The following VPS54 variants were observed in gnomAD, a reference collection of about 807,000 sequenced individuals.
VPS54 encodes the protein vacuolar protein sorting-associated protein 54.
A neutral mutation model predicts 121.5 loss-of-function variants in VPS54; 45 were observed. The ratio of observed to expected loss-of-function variants is 0.37; its 90% confidence interval spans 0.29 to 0.47. The LOEUF (loss-of-function observed/expected upper bound fraction) is 0.47. VPS54 is among the 20% of genes least tolerant of loss of function. The probability of loss-of-function intolerance (pLI) is 0.99; values close to 1 mark genes in which losing one functional copy is unlikely to be tolerated. For synonymous variants in VPS54, 371 were observed against 385.8 expected, an observed-to-expected ratio of 0.96 and a Z score of 0.45; for missense variants, 1,090 against 1,131.4, an observed-to-expected ratio of 0.96 and a Z score of 0.52.
intron 7 of VPS54, among the ~76,000 whole-genome samples, chr2:63,953,126 ATTTTTT>A (rs1194371865): frequency 8.4e-6 from 1 of 119,226 alleles, no homozygotes; most frequent in Non-Finnish European, 1.8e-5. Flanking sequence ...GAAATTTTTA[ATTTTTT>A]TTTTTTTTTT....
chr2:63,913,470 G>T (rs1673242031), intron 17 of VPS54, among the ~76,000 whole-genome samples, 160 bp from the exon 18 acceptor site: 3 of 151,950 alleles, frequency 2.0e-5, no homozygotes, highest in African/African-American at 7.2e-5. Context: ...TAATGAAAAA[G>T]AAATGAGAAG....
At chr2:64,003,608 A>T (rs1412979718) in intron 1 of VPS54, among the ~76,000 whole-genome samples, 1 of 152,192 alleles carries the variant, frequency 6.6e-6, no homozygotes, top group Non-Finnish European at 1.5e-5. Context: ...TGGTATGTAG[A>T]ACATATCAGA....
At chr2:63,993,415 G>A (rs1281644221) in intron 1 of VPS54, among the ~76,000 whole-genome samples, 5 of 152,094 alleles carry the variant, frequency 3.3e-5, no homozygotes, top group East Asian at 1.9e-4. Flanking sequence ...GAGTACAGCC[G>A]TTTCAGCCTT....
intron 5 of VPS54, among the ~76,000 whole-genome samples, chr2:63,967,741 TAAG>T (rs1255007381): frequency 1.4e-5 from 1 of 71,510 alleles, no homozygotes; most frequent in African/African-American, 5.3e-5. Flanking sequence ...AAAAATCTTA[TAAG>T]GAGAAGAGGG....
chr2:63,901,052 G>A (rs192006345), intron 20 of VPS54, among the ~76,000 whole-genome samples: 2 of 152,252 alleles, frequency 1.3e-5, no homozygotes, highest in South Asian at 2.1e-4. Context: ...GTGCCACCAC[G>A]TCCGACCTCA....
intron 1 of VPS54, among the ~76,000 whole-genome samples, chr2:64,000,883 C>T (rs557469321): frequency 3.9e-5 from 6 of 152,278 alleles, no homozygotes; most frequent in East Asian, 1.9e-4. Context: ...ACCTGGCTAC[C>T]GCCTATGTTT....
At chr2:63,933,544 AAATT>A (rs1433938166) in intron 12 of VPS54, 125 bp downstream of exon 12, 3 of 797,672 alleles carry the variant, frequency 3.8e-6, no homozygotes, top group Non-Finnish European at 5.7e-6. Flanking sequence ...ACGTTTCATA[AAATT>A]AATATATTTT....
intron 7 of VPS54, among the ~76,000 whole-genome samples, chr2:63,951,930 T>C (rs1286766364): frequency 6.6e-6 from 1 of 152,174 alleles, no homozygotes; most frequent in Admixed American, 6.6e-5. Context: ...TTTATGATTG[T>C]TTTCCACAGA....
intron 1 of VPS54, among the ~76,000 whole-genome samples, chr2:63,989,753 C>T (rs571502302): frequency 6.6e-6 from 1 of 152,260 alleles, no homozygotes; most frequent in East Asian, 1.9e-4. Flanking sequence ...CTATATTACA[C>T]TCTGGTTAAA....
At chr2:63,926,342 G>A (rs150714151) in intron 12 of VPS54, among the ~76,000 whole-genome samples, 1 of 152,272 alleles carries the variant, frequency 6.6e-6, no homozygotes, top group East Asian at 1.9e-4. Flanking sequence ...ACCCTAACTA[G>A]TAAATGTGAA....
chr2:63,962,501 C>T (rs1427528613), intron 6 of VPS54, 58 bp from the exon 7 acceptor site: 1 of 1,499,622 alleles, frequency 6.7e-7, no homozygotes. Context: ...CTTGATTATC[C>T]AAATACTTTA....
intron 7 of VPS54, among the ~76,000 whole-genome samples, chr2:63,949,772 C>T (rs1423118248): frequency 1.3e-5 from 2 of 152,088 alleles, no homozygotes; most frequent in African/African-American, 2.4e-5. Flanking sequence ...TACCGAAATG[C>T]ACTGTAATTT....
At chr2:63,976,082 TC>T (rs1038685415) in intron 3 of VPS54, among the ~76,000 whole-genome samples, 1 of 152,144 alleles carries the variant, frequency 6.6e-6, no homozygotes, top group Non-Finnish European at 1.5e-5. Flanking sequence ...TGCTAAGAGT[TC>T]TTTTTTTAAA....
intron 12 of VPS54, among the ~76,000 whole-genome samples, chr2:63,925,090 A>G (rs1673835692): frequency 6.6e-6 from 1 of 152,240 alleles, no homozygotes; most frequent in East Asian, 1.9e-4. Context: ...TTGTTCACCA[A>G]AAAACCCAAT....
At chr2:63,973,113 T>A (rs1042987485) in intron 3 of VPS54, among the ~76,000 whole-genome samples, 3 of 152,188 alleles carry the variant, frequency 2.0e-5, no homozygotes, top group Admixed American at 6.5e-5. Context: ...CAGGACTGTT[T>A]TCCAAAGTGG....
At chr2:63,956,508 G>A (rs1329175790) in intron 7 of VPS54, among the ~76,000 whole-genome samples, 1 of 152,146 alleles carries the variant, frequency 6.6e-6, no homozygotes, top group Non-Finnish European at 1.5e-5. Flanking sequence ...ATTGCCCACA[G>A]TTTGTACAAT....
intron 7 of VPS54, among the ~76,000 whole-genome samples, chr2:63,953,084 C>T (rs1303581974): frequency 1.3e-5 from 2 of 150,734 alleles, no homozygotes; most frequent in African/African-American, 2.4e-5. Flanking sequence ...CCTCTAGAAG[C>T]CTTTTCTAAT....
intron 12 of VPS54, among the ~76,000 whole-genome samples, chr2:63,925,444 AC>A (rs544873520): frequency 3.9e-4 from 60 of 152,376 alleles, no homozygotes; most frequent in Admixed American, 3.9e-3. Flanking sequence ...ATAAATGAGT[AC>A]AACCACTTTG....
chr2:63,899,250 G>A (rs542235443), intron 21 of VPS54, among the ~76,000 whole-genome samples: 12 of 152,292 alleles, frequency 7.9e-5, no homozygotes, highest in African/African-American at 7.2e-5. Context: ...TTTTAGAATT[G>A]TTTATAATAT....
Sources: allele counts gnomAD v4.1 joint callset (sites outside exome capture counted in the v4.1 genomes callset), GRCh38; gene constraint gnomAD v4.1.1; transcripts MANE v1.5; gene names NCBI Gene and HGNC (gene_info 2026-07-23, HGNC 2026-07-21).